Variants in ANKS1B observed in about 807,000 individuals in gnomAD.
ANKS1B encodes the protein ankyrin repeat and sterile alpha motif domain containing 1B, also known as ankyrin repeat and sterile alpha motif domain-containing protein 1B.
In ANKS1B, 36 loss-of-function variants were observed where a neutral mutation model predicts 148.3. That is an observed-to-expected ratio of 0.24 (90% CI 0.19 to 0.32). ANKS1B has a LOEUF of 0.32. ANKS1B is among the 10% of genes least tolerant of loss of function. The probability of loss-of-function intolerance (pLI) is 1.00; values close to 1 mark genes in which losing one functional copy is unlikely to be tolerated. For missense variants in ANKS1B, 1,157 were observed against 1,542.6 expected, an observed-to-expected ratio of 0.75 and a Z score of 4.19; for synonymous variants, 542 against 560.8, an observed-to-expected ratio of 0.97 and a Z score of 0.47.
At chr12:99,739,287 A>T (rs908564972) in intron 8 of ANKS1B, among the ~76,000 whole-genome samples, 1 of 139,484 alleles carries the variant, frequency 7.2e-6, no homozygotes, top group Non-Finnish European at 1.5e-5. Flanking sequence ...ATATCCTTTT[A>T]CATTAATACT....
intron 17 of ANKS1B, among the ~76,000 whole-genome samples, chr12:98,948,209 T>G (rs1372223075): frequency 6.6e-6 from 1 of 152,224 alleles, no homozygotes; most frequent in Non-Finnish European, 1.5e-5. Context: ...TCTTTCTACC[T>G]GATTGTAATT....
intron 1 of ANKS1B, among the ~76,000 whole-genome samples, chr12:99,875,648 T>C (rs946418871): frequency 6.6e-6 from 1 of 152,198 alleles, no homozygotes; most frequent in African/African-American, 2.4e-5. Flanking sequence ...ACAGACTATA[T>C]GCAAATTTCA....
At chr12:99,678,477 T>G (rs2098594918) in intron 8 of ANKS1B, among the ~76,000 whole-genome samples, 1 of 152,172 alleles carries the variant, frequency 6.6e-6, no homozygotes, top group African/African-American at 2.4e-5. Context: ...TAACTTCTCC[T>G]ACATAACTTG....
At chr12:99,400,350 T>C (rs920103800) in intron 11 of ANKS1B, among the ~76,000 whole-genome samples, 1 of 146,208 alleles carries the variant, frequency 6.8e-6, no homozygotes, top group Non-Finnish European at 1.5e-5. Flanking sequence ...ATATGGAACA[T>C]TTTCTAAGAT....
At chr12:99,650,813 T>C (rs75590573) in intron 9 of ANKS1B, among the ~76,000 whole-genome samples, 1 of 152,100 alleles carries the variant, frequency 6.6e-6, no homozygotes, top group African/African-American at 2.4e-5. Flanking sequence ...ATTTTAGAAT[T>C]GTAAGATCCA....
At chr12:99,105,814 T>C (rs974535207) in intron 15 of ANKS1B, among the ~76,000 whole-genome samples, 4 of 151,702 alleles carry the variant, frequency 2.6e-5, no homozygotes, top group Non-Finnish European at 4.4e-5. Context: ...AAATTTTACT[T>C]CCTACTGCCT....
chr12:98,788,823 T>C (rs1287252156), intron 22 of ANKS1B, among the ~76,000 whole-genome samples: 2 of 152,268 alleles, frequency 1.3e-5, no homozygotes, highest in African/African-American at 4.8e-5. Context: ...TACTGCATCC[T>C]ACATTAATTC....
rs748944463 is a variant in ANKS1B at position 99,920,213 on chromosome 12, AT to A, written c.134+63890del. 1.9e-3 allele frequency among the ~76,000 whole-genome samples: 296 copies of A among 152,268 alleles called. 1 individual carries two copies. Among genetic ancestry groups the A allele is most frequent in the African/African-American group, 6.6e-3 (276 of 41,542 alleles). On this transcript the variant is annotated intron_variant, in intron 1 of 26. Coordinates refer to ENST00000683438, the MANE Select transcript of ANKS1B (RefSeq NM_001352186.2). ...ATTTGCCACAAATAGTCTTTAAATG[AT>A]TTATAAAATATATAGGAATGAATAA...
chr12:99,928,636 T>C (rs973493330), intron 1 of ANKS1B, among the ~76,000 whole-genome samples: 1 of 152,232 alleles, frequency 6.6e-6, no homozygotes, highest in Non-Finnish European at 1.5e-5. Flanking sequence ...TTGTTTTCTC[T>C]AATTTGATTG....
intron 17 of ANKS1B, among the ~76,000 whole-genome samples, chr12:98,885,305 AG>A (rs756957477): frequency 6.6e-6 from 1 of 152,262 alleles, no homozygotes; most frequent in Non-Finnish European, 1.5e-5. Flanking sequence ...CTGGCAGCCA[AG>A]GAAAGAGAAG....
intron 14 of ANKS1B, among the ~76,000 whole-genome samples, chr12:99,230,455 G>A (rs1322881844): frequency 2.6e-5 from 4 of 152,012 alleles, no homozygotes; most frequent in Non-Finnish European, 5.9e-5. Flanking sequence ...TAGATATTTT[G>A]TTGAATTGAA....
intron 17 of ANKS1B, among the ~76,000 whole-genome samples, chr12:99,031,137 TACACGATTTGAATAATTATAC>T (rs1174584086): frequency 1.3e-5 from 2 of 152,244 alleles, no homozygotes; most frequent in Non-Finnish European, 2.9e-5. Flanking sequence ...TCTACATGGA[TACACGATTTGAATAATTATAC>T]ACTTGATGGG....
At chr12:99,844,668 A>C (rs1397792694) in intron 1 of ANKS1B, among the ~76,000 whole-genome samples, 1 of 152,094 alleles carries the variant, frequency 6.6e-6, no homozygotes, top group Non-Finnish European at 1.5e-5. Flanking sequence ...GTCAGGTAGC[A>C]TGATGCCTCC....
At chr12:99,387,680 G>A (rs1451204024) in intron 12 of ANKS1B, among the ~76,000 whole-genome samples, 1 of 151,920 alleles carries the variant, frequency 6.6e-6, no homozygotes, top group Non-Finnish European at 1.5e-5. Context: ...AAAATGCTCC[G>A]TCTATGAACC....
chr12:98,783,556 C>CTTCA (rs926143263), intron 22 of ANKS1B, among the ~76,000 whole-genome samples: 6 of 152,154 alleles, frequency 3.9e-5, no homozygotes, highest in African/African-American at 4.8e-5. Context: ...TGGGGCCAGT[C>CTTCA]TTCATTCATT....
At chr12:99,940,782 T>C (rs892545354) in intron 1 of ANKS1B, among the ~76,000 whole-genome samples, 2 of 151,996 alleles carry the variant, frequency 1.3e-5, no homozygotes, top group Non-Finnish European at 2.9e-5. Flanking sequence ...AGATGAGTCA[T>C]GAGAAGATAC....
intron 11 of ANKS1B, among the ~76,000 whole-genome samples, chr12:99,424,904 C>G (rs2095213334): frequency 6.6e-6 from 1 of 152,028 alleles, no homozygotes; most frequent in South Asian, 2.1e-4. Flanking sequence ...CTCAACCACT[C>G]ATAGACTGCT....
chr12:98,965,623 C>G (rs1229235040), intron 17 of ANKS1B, among the ~76,000 whole-genome samples: 1 of 152,104 alleles, frequency 6.6e-6, no homozygotes. Flanking sequence ...AAGCTGGAGG[C>G]ATCACGCTAC....
chr12:99,243,727 G>A (rs560680453), intron 14 of ANKS1B, among the ~76,000 whole-genome samples: 2 of 152,258 alleles, frequency 1.3e-5, no homozygotes, highest in East Asian at 3.9e-4. Flanking sequence ...TCCTTTGCAG[G>A]GACATGGATG....
Sources: allele counts gnomAD v4.1 joint callset (sites outside exome capture counted in the v4.1 genomes callset), GRCh38; gene constraint gnomAD v4.1.1; transcripts MANE v1.5; gene names NCBI Gene and HGNC (gene_info 2026-07-23, HGNC 2026-07-21).